Variants in KLHL24 observed in about 807,000 individuals in gnomAD.
KLHL24 encodes the protein kelch like family member 24.
KLHL24 carries 29 observed loss-of-function variants against 53.4 expected under a neutral mutation model. The ratio of observed to expected loss-of-function variants is 0.54; its 90% CI spans 0.40 to 0.74. The LOEUF (loss-of-function observed/expected upper bound fraction) is 0.74. Among genes scored for constraint, KLHL24 ranks in the 30% least tolerant of loss-of-function variants. The pLI is 0.00. For missense variants in KLHL24, 504 were observed against 744.0 expected (o/e 0.68, Z 3.75); for synonymous variants, 222 against 253.7 (o/e 0.88, Z 1.19).
chr3:183,651,311 GT>G (rs1718080921), intron 3 of KLHL24, 35 bp downstream of exon 3: 1 of 1,506,114 alleles, frequency 6.6e-7, no homozygotes. Flanking sequence ...GTTAACAAAA[GT>G]TTTTAATATA....
At chr3:183,645,162 T>A (rs1717045123) in intron 2 of KLHL24, among the ~76,000 whole-genome samples, 1 of 152,372 alleles carries the variant, frequency 6.6e-6, no homozygotes, top group African/African-American at 2.4e-5. Flanking sequence ...AAATATGAGT[T>A]ATATTCCATG....
At chr3:183,664,615 G>A (rs909021244) in intron 4 of KLHL24, among the ~76,000 whole-genome samples, 12 of 149,972 alleles carry the variant, frequency 8.0e-5, no homozygotes, top group Admixed American at 6.0e-4. Flanking sequence ...CATTATTTGC[G>A]TGCTTCTGAT....
intron 2 of KLHL24, among the ~76,000 whole-genome samples, chr3:183,649,824 A>G (rs1312246604): frequency 6.6e-6 from 1 of 152,184 alleles, no homozygotes; most frequent in Non-Finnish European, 1.5e-5. Context: ...TGAGCCTAGG[A>G]GTTTGAGGTT....
intron 3 of KLHL24, among the ~76,000 whole-genome samples, chr3:183,661,536 A>T (rs1347158758): frequency 6.6e-6 from 1 of 152,246 alleles, no homozygotes; most frequent in Non-Finnish European, 1.5e-5. Flanking sequence ...CAAATAGGAT[A>T]TTTAATACAG....
At chr3:183,645,873 G>A (rs1437685432) in intron 2 of KLHL24, among the ~76,000 whole-genome samples, 3 of 152,112 alleles carry the variant, frequency 2.0e-5, no homozygotes, top group Non-Finnish European at 2.9e-5. Context: ...CATTTACTCC[G>A]AAACCAGCCA....
At chr3:183,667,758 T>C (rs986976341) in intron 5 of KLHL24, among the ~76,000 whole-genome samples, 1 of 152,120 alleles carries the variant, frequency 6.6e-6, no homozygotes, top group Non-Finnish European at 1.5e-5. Context: ...GCTGTGTTGC[T>C]GAGGCTGTAG....
In KLHL24 at chr3:183,650,823, C is replaced by T; in HGVS notation, c.467C>T (p.Ala156Val). 6.2e-7 allele frequency: 1 copy of T among 1,614,004 alleles called. No homozygotes were observed. ...ATTAGTGTTCTCCGTGATGCATGTGCCAAGTTCTTGGAGGAGCAACTTGAT... is the reference window on the plus strand; with the variant it reads ...ATTAGTGTTCTCCGTGATGCATGTGTCAAGTTCTTGGAGGAGCAACTTGAT... Reference protein sequence around the residue: ...FQISVLRDACAKFLEEQLDPC... With the variant: ...FQISVLRDACVKFLEEQLDPC... Residue 156 changes from alanine to valine, a missense_variant, in exon 3 of 8, where the codon GCC (alanine) becomes GTC (valine). By Grantham distance (64) the Ala-to-Val change is moderately conservative. Transcript: ENST00000242810. The surrounding 1 kb of genome is among the most constrained non-coding windows in gnomAD (Gnocchi z 4.5).
chr3:183,666,780 A>G (rs1720623247), intron 5 of KLHL24, among the ~76,000 whole-genome samples: 1 of 152,216 alleles, frequency 6.6e-6, no homozygotes, highest in South Asian at 2.1e-4. Context: ...GTCATATCTA[A>G]TACAAAAATT....
chr3:183,667,258 A>G (rs1039683016), intron 5 of KLHL24, among the ~76,000 whole-genome samples: 4 of 152,178 alleles, frequency 2.6e-5, no homozygotes, highest in Non-Finnish European at 5.9e-5. Flanking sequence ...TCTACTAAAA[A>G]TACACAAATT....
At chr3:183,646,809 ACT>A (rs1157387199) in intron 2 of KLHL24, among the ~76,000 whole-genome samples, 3 of 151,132 alleles carry the variant, frequency 2.0e-5, no homozygotes, top group Non-Finnish European at 4.4e-5. Flanking sequence ...TTTTATTGCA[ACT>A]CTTTTTTGTT....
chr3:183,635,846 G>C (rs1392372182), intron 1 of KLHL24, 53 bp downstream of exon 1: 2 of 152,558 alleles, frequency 1.3e-5, no homozygotes, highest in Admixed American at 1.3e-4. Context: ...CTGACCACCG[G>C]GGTGTCTGCG....
intron 1 of KLHL24, among the ~76,000 whole-genome samples, chr3:183,638,018 T>A (rs568216623): frequency 7.2e-5 from 11 of 152,330 alleles, no homozygotes; most frequent in African/African-American, 2.2e-4. Flanking sequence ...AGGAATTGAA[T>A]ATGAACAGTT....
Position 183,663,556 on chromosome 3 carries a change from G to A in KLHL24, c.1019G>A (p.Gly340Glu). Residue 340 changes from glycine (G) to glutamate (E), a missense_variant, in exon 4 of 8, where the codon GGA becomes GAA. Physicochemically the swap from Gly to Glu is moderately conservative, Grantham distance 98. Coordinates refer to ENST00000242810, the MANE Select transcript of KLHL24 (RefSeq NM_017644.3). The surrounding 1 kb of genome is among the most constrained non-coding windows in gnomAD (Gnocchi z 4.9). The stretch of plus-strand genomic sequence containing the variant: ...ACTGAGTGCTACGATCCTGTAACAG[G>A]AGAATGGAAGTCTTTGGCTAAGCTT... ...PYTECYDPVTGEWKSLAKLPE... is the reference protein window; with the variant it reads ...PYTECYDPVTEEWKSLAKLPE... 6.2e-7 allele frequency: 1 copy of A among 1,609,198 alleles called. No individual in the cohort carries two copies. The highest frequency in any genetic ancestry group is 1.1e-5 in the South Asian group (1 of 90,106).
chr3:183,660,938 T>G (rs1032527878), intron 3 of KLHL24, among the ~76,000 whole-genome samples: 12 of 147,018 alleles, frequency 8.2e-5, no homozygotes, highest in Non-Finnish European at 1.8e-4. Context: ...GGTGGCGGGC[T>G]CCTGTAGTCC....
chr3:183,665,080 C>A, intron 5 of KLHL24, 41 bp downstream of exon 5: 1 of 1,020,136 alleles, frequency 9.8e-7, no homozygotes, highest in South Asian at 1.3e-5. Context: ...TGGTACCTTT[C>A]CAAAGTAAAT....
At chr3:183,649,750 G>A (rs1011665271) in intron 2 of KLHL24, among the ~76,000 whole-genome samples, 2 of 149,604 alleles carry the variant, frequency 1.3e-5, no homozygotes, top group Non-Finnish European at 3.0e-5. Flanking sequence ...AAAAAAAATA[G>A]CCAGGCATGG....
intron 1 of KLHL24, among the ~76,000 whole-genome samples, chr3:183,640,304 G>A (rs1373327390): frequency 6.6e-6 from 1 of 152,142 alleles, no homozygotes; most frequent in Non-Finnish European, 1.5e-5. Context: ...GTTTTAAGTC[G>A]AGGGAGAGAA....
chr3:183,640,070 A>G (rs1236460677), intron 1 of KLHL24, among the ~76,000 whole-genome samples: 2 of 152,012 alleles, frequency 1.3e-5, no homozygotes, highest in Non-Finnish European at 2.9e-5. Flanking sequence ...AAACATAACT[A>G]TATCATATAT....
chr3:183,664,521 A>T (rs1337170780), intron 4 of KLHL24, among the ~76,000 whole-genome samples: 3 of 152,142 alleles, frequency 2.0e-5, no homozygotes, highest in African/African-American at 7.2e-5. Flanking sequence ...ACACTGAGAA[A>T]TATAACAATA....
Sources: gnomAD v4.1 joint callset for allele counts (sites outside exome capture counted in the v4.1 genomes callset) on GRCh38, gnomAD v4.1.1 for gene constraint, Gnocchi (gnomAD v3.1) non-coding constraint, MANE v1.5 for transcripts, NCBI Gene and HGNC (gene_info 2026-07-23, HGNC 2026-07-21) for gene names.